LRRTM4: variants seen among roughly 807,000 people sequenced by gnomAD.
LRRTM4 encodes leucine rich repeat transmembrane neuronal 4, also known as leucine-rich repeat transmembrane neuronal protein 4.
A neutral mutation model predicts 47.6 loss-of-function variants in LRRTM4; 25 were observed. The ratio of observed to expected loss-of-function variants is 0.53; its 90% CI spans 0.38 to 0.73. The LOEUF is 0.73. LRRTM4 is among the 30% of genes least tolerant of loss of function. The pLI is 0.00. For missense variants in LRRTM4, 638 were observed against 713.4 expected, an observed-to-expected ratio of 0.89 and a Z score of 1.20; for synonymous variants, 311 against 269.5, an observed-to-expected ratio of 1.15 and a Z score of -1.51.
chr2:76,759,031 A>T (rs1392653223), intron 3 of LRRTM4, among the ~76,000 whole-genome samples: 1 of 152,134 alleles, frequency 6.6e-6, no homozygotes, highest in Admixed American at 6.6e-5. Flanking sequence ...ATTTATTTTC[A>T]TTTGATTTTT....
At chr2:76,980,927 C>T (rs1210382400) in intron 3 of LRRTM4, among the ~76,000 whole-genome samples, 1 of 152,056 alleles carries the variant, frequency 6.6e-6, no homozygotes, top group Non-Finnish European at 1.5e-5. Context: ...TGATTACCTA[C>T]TGATATTTAA....
intron 3 of LRRTM4, among the ~76,000 whole-genome samples, chr2:77,469,824 A>G (rs536913132): frequency 6.6e-6 from 1 of 152,228 alleles, no homozygotes; most frequent in Non-Finnish European, 1.5e-5. Context: ...TTCTTCTTCT[A>G]TAGTACTTCA....
At chr2:77,047,309 G>A (rs1679266741) in intron 3 of LRRTM4, among the ~76,000 whole-genome samples, 1 of 151,900 alleles carries the variant, frequency 6.6e-6, no homozygotes, top group African/African-American at 2.4e-5. Context: ...CCTTAAGGAA[G>A]GTAAGTGCTG....
rs537412982 is a variant in LRRTM4 at position 77,431,384 on chromosome 2, C to T, written c.1551+86934G>A. Among the ~76,000 whole-genome samples, 5 of 148,838 alleles carry T rather than the reference C, an allele frequency of 3.4e-5. 1 individual carries two copies. In the East Asian group the frequency reaches 9.7e-4, roughly 29 times the overall value. ...CATTTATGAGGGCTATGCTCATAAC[C>T]TGATCACATCCCACAAAACTCAACT... On this transcript the variant is annotated intron_variant, in intron 3 of 3. Coordinates refer to ENST00000409884, the MANE Select transcript of LRRTM4 (RefSeq NM_001134745.3).
chr2:77,476,935 C>T (rs1001933794), intron 3 of LRRTM4, among the ~76,000 whole-genome samples: 8 of 150,600 alleles, frequency 5.3e-5, no homozygotes, highest in African/African-American at 2.0e-4. Context: ...AAAGTAAATG[C>T]AGAATTATGT....
intron 3 of LRRTM4, among the ~76,000 whole-genome samples, chr2:77,367,671 C>T (rs896787079): frequency 3.3e-5 from 5 of 151,774 alleles, no homozygotes; most frequent in African/African-American, 7.3e-5. Flanking sequence ...GAGGAAATTA[C>T]AGAAAAAGTA....
chr2:77,224,310 CATGTCTAAAACACCAGAAGCA>C, intron 3 of LRRTM4, among the ~76,000 whole-genome samples: 1 of 152,240 alleles, frequency 6.6e-6, no homozygotes, highest in African/African-American at 2.4e-5. Flanking sequence ...GCAAGGACTT[CATGTCTAAAACACCAGAAGCA>C]ATGGCAACAA....
At chr2:77,297,099 G>A (rs1305183418) in intron 3 of LRRTM4, among the ~76,000 whole-genome samples, 1 of 151,958 alleles carries the variant, frequency 6.6e-6, no homozygotes, top group Admixed American at 6.6e-5. Flanking sequence ...TGTTTTTGTT[G>A]TTATTGTTTT....
chr2:77,165,044 A>C (rs781188880), intron 3 of LRRTM4, among the ~76,000 whole-genome samples: 3 of 152,146 alleles, frequency 2.0e-5, no homozygotes, highest in Non-Finnish European at 4.4e-5. Context: ...TGAAAAGATC[A>C]ACAAAATTGG....
At chr2:77,223,941 G>A (rs557257798) in intron 3 of LRRTM4, among the ~76,000 whole-genome samples, 54 of 152,130 alleles carry the variant, frequency 3.5e-4, no homozygotes, top group African/African-American at 9.6e-4. Context: ...GAGGCATCAC[G>A]CTACCTGACT....
chr2:77,305,412 A>G (rs1677245658), intron 3 of LRRTM4, among the ~76,000 whole-genome samples: 1 of 152,236 alleles, frequency 6.6e-6, no homozygotes, highest in East Asian at 1.9e-4. Flanking sequence ...CTCAGTTTCA[A>G]TATAGGTAGT....
chr2:77,210,338 A>G (rs1398406766), intron 3 of LRRTM4, among the ~76,000 whole-genome samples: 1 of 152,094 alleles, frequency 6.6e-6, no homozygotes, highest in African/African-American at 2.4e-5. Context: ...CCTCTTCCCC[A>G]CCCTATAAAG....
At chr2:77,506,211 C>T (rs1055039660) in intron 3 of LRRTM4, among the ~76,000 whole-genome samples, 7 of 151,184 alleles carry the variant, frequency 4.6e-5, no homozygotes, top group East Asian at 1.9e-4. Context: ...GTAAAATATC[C>T]GGAGAGAATT....
At chr2:77,517,876 G>A in intron 3 of LRRTM4, 1 of 987,148 alleles carries the variant, frequency 1.0e-6, no homozygotes, top group Non-Finnish European at 1.2e-6. Flanking sequence ...TTGCTCTTTG[G>A]TTTAAATCTT....
intron 3 of LRRTM4, among the ~76,000 whole-genome samples, chr2:76,819,588 C>G (rs1432391755): frequency 6.6e-6 from 1 of 151,864 alleles, no homozygotes; most frequent in East Asian, 1.9e-4. Context: ...ATATCTATTT[C>G]AAGATAATTT....
Position 77,342,906 on chromosome 2 carries a change from T to C in LRRTM4, c.1551+175412A>G, listed in dbSNP as rs191596233. 6.9e-4 allele frequency among the ~76,000 whole-genome samples: 105 copies of C among 152,050 alleles called. 1 individual carries two copies. The Middle Eastern group carries it at 0.01, about 15-fold the overall frequency. On this transcript the variant is annotated intron_variant, in intron 3 of 3. Coordinates refer to ENST00000409884, the MANE Select transcript of LRRTM4 (RefSeq NM_001134745.3). ...ATTAGAATCCTGAGACTAAGTAGAT[T>C]ATCCAAACTGGGCCATAAGCACCTC...
chr2:77,502,588 T>C (rs1427500986), intron 3 of LRRTM4, among the ~76,000 whole-genome samples: 1 of 151,702 alleles, frequency 6.6e-6, no homozygotes, highest in Non-Finnish European at 1.5e-5. Flanking sequence ...TCAGTAAGTA[T>C]TTATTGAGCT....
chr2:77,353,765 C>T (rs1390013430), intron 3 of LRRTM4, among the ~76,000 whole-genome samples: 2 of 152,000 alleles, frequency 1.3e-5, no homozygotes, highest in Non-Finnish European at 2.9e-5. Flanking sequence ...CCTAATATAA[C>T]ATTGAATAAT....
chr2:77,161,074 C>A (rs1672715486), intron 3 of LRRTM4, among the ~76,000 whole-genome samples: 2 of 152,282 alleles, frequency 1.3e-5, no homozygotes, highest in Non-Finnish European at 2.9e-5. Flanking sequence ...GGGCGCCAGG[C>A]AGCTATGACA....
Sources: gnomAD v4.1 joint callset for allele counts (sites outside exome capture counted in the v4.1 genomes callset) on GRCh38, gnomAD v4.1.1 for gene constraint, MANE v1.5 for transcripts, NCBI Gene and HGNC (gene_info 2026-07-23, HGNC 2026-07-21) for gene names.